BSN: variants seen among roughly 807,000 people sequenced by gnomAD.
BSN encodes the protein protein bassoon.
In BSN, 57 loss-of-function variants were observed where a neutral mutation model predicts 264.8. That is an observed-to-expected ratio of 0.22 (90% CI 0.17 to 0.27). BSN has a LOEUF of 0.27. BSN is among the 10% of genes least tolerant of loss of function. BSN has a pLI of 1.00. For synonymous variants in BSN, 2,059 were observed against 2,137.3 expected, an observed-to-expected ratio of 0.96 and a Z score of 1.01; for missense variants, 4,615 against 5,232.5, an observed-to-expected ratio of 0.88 and a Z score of 3.64.
chr3:49,658,099 G>C lies in BSN; in HGVS notation c.8543G>C (p.Arg2848Pro). ...CCTCGCCCCATGAAGACCCTGCAGC[G>C]GTCCCTGTCTGACCCTAAGCCCCTC... is the stretch of plus-strand genomic sequence containing the variant. Reference protein sequence around the residue: ...TLPRPMKTLQRSLSDPKPLSP... With the variant: ...TLPRPMKTLQPSLSDPKPLSP... The change falls in exon 5 of 12, where the codon CGG (arginine) becomes CCG (proline). Residue 2848 changes from arginine (R) to proline (P), a missense_variant. By Grantham distance (103) the Arg-to-Pro change is moderately radical. Around this residue, in one of 3 missense-constraint regions of BSN, gnomAD observed 3,415 missense variants for 3,866.4 expected, o/e 0.88. Transcript: ENST00000296452. 1 of 1,613,130 alleles carries C rather than the reference G, an allele frequency of 6.2e-7. No individual in the cohort carries two copies. Among genetic ancestry groups the C allele is most frequent in the Non-Finnish European group, 8.5e-7 (1 of 1,179,910 alleles).
rs781353438 is a variant in BSN at position 49,642,688 on chromosome 3, G to A, written c.1054G>A (p.Gly352Ser). The change falls in exon 3 of 12, where the codon GGC (glycine) becomes AGC (serine). Residue 352 changes from glycine (G) to serine (S), a missense_variant. By Grantham distance (56) the Gly-to-Ser change is moderately conservative. Transcript: ENST00000296452. The surrounding 1 kb of genome is among the most constrained non-coding windows in gnomAD (Gnocchi z 7.0). ...GGAGGGCCTCACTGGTAAGCTCTTC[G>A]GCCTTGGCGCGTCACTGCTAACCCA... ...TQEGLTGKLF[G>S]LGASLLTQAS... The A allele has an allele frequency of 6.8e-6, 11 of 1,612,374 alleles. No individual in the cohort carries two copies. Among genetic ancestry groups the A allele is most frequent in the South Asian group, 4.4e-5 (4 of 90,982 alleles).
chr3:49,667,388 T>C (rs956561611), intron 11 of BSN, among the ~76,000 whole-genome samples: 1 of 151,618 alleles, frequency 6.6e-6, no homozygotes, highest in Non-Finnish European at 1.5e-5. Context: ...TCTTTCTTGC[T>C]GTCCTCTCTG....
chr3:49,636,830 A>G (rs2052423862), intron 2 of BSN, among the ~76,000 whole-genome samples: 2 of 152,224 alleles, frequency 1.3e-5, no homozygotes, highest in African/African-American at 2.4e-5. Context: ...CAACATGTCT[A>G]TTGCTGTACC....
Position 49,625,529 on chromosome 3 carries a change from T to TGCAG in BSN, c.633+147_633+148insCAGG. The stretch of plus-strand genomic sequence containing the variant: ...TGTGTCCTCCTGCAGGGATGTGTCC[T>TGCAG]GGTTCCAGGATGTGGCAGCAAAGAA... On this transcript the variant is annotated intron_variant, in intron 2 of 11. Coordinates refer to ENST00000296452, the MANE Select transcript of BSN (RefSeq NM_003458.4). The surrounding 1 kb of genome is among the most constrained non-coding windows in gnomAD (Gnocchi z 4.4). 1.2e-6 allele frequency: 1 copy of TGCAG among 813,552 alleles called. No individual in the cohort carries two copies. The highest frequency in any genetic ancestry group is 1.7e-6 in the Non-Finnish European group (1 of 583,102). The allele number at this position is 813,552 out of a possible 1,614,324, so 50.4% of individuals were successfully genotyped here.
Position 49,592,233 on chromosome 3 carries a change from C to T in BSN, c.225-32742C>T, listed in dbSNP as rs577987091. Among the ~76,000 whole-genome samples the T allele has an allele frequency of 2.6e-4, 39 of 151,576 alleles. 1 individual carries two copies. Among genetic ancestry groups the T allele is most frequent in the African/African-American group, 7.2e-4 (30 of 41,416 alleles). ...CAAGCGATTCTCCTGCCTCAGCCTC[C>T]CGAGTACCTGGGATTACAGGCACGC... On this transcript the variant is annotated intron_variant, in intron 1 of 11. Transcript: ENST00000296452.
At chr3:49,556,661 C>CATA (rs2051674939) in intron 1 of BSN, among the ~76,000 whole-genome samples, 1 of 152,206 alleles carries the variant, frequency 6.6e-6, no homozygotes, top group South Asian at 2.1e-4. Context: ...TTCATTTTAT[C>CATA]ATAGCACCTC....
Position 49,651,244 on chromosome 3 carries a change from C to A in BSN, c.1986+165C>A. On this transcript the variant is annotated intron_variant, in intron 4 of 11. Transcript: ENST00000296452. The surrounding 1 kb of genome is among the most constrained non-coding windows in gnomAD (Gnocchi z 5.4). ...GGAAAGTCTAGATGAGGTTCTGGCA[C>A]GCTTGGAGACTGTGGGTTTTACACT... The A allele has an allele frequency of 1.4e-6, 1 of 718,410 alleles. No homozygotes were observed. Among genetic ancestry groups the A allele is most frequent in the Non-Finnish European group, 2.2e-6 (1 of 452,452 alleles). 44.5% of individuals were successfully genotyped at this position (718,410 alleles called of 1,614,324 possible). A position where few individuals can be genotyped will look rare whatever the true frequency, so the allele number is the denominator to read the frequency against.
chr3:49,558,571 G>A (rs137871626), intron 1 of BSN, among the ~76,000 whole-genome samples: 5 of 152,306 alleles, frequency 3.3e-5, no homozygotes, highest in African/African-American at 1.2e-4. Flanking sequence ...CATTATATCA[G>A]CCAACTCAGC....
At position 49,650,874 on chromosome 3, in the gene BSN, G is replaced by A; in HGVS notation, c.1781G>A (p.Arg594Lys). The A allele has an allele frequency of 6.2e-7, 1 of 1,614,204 alleles. No homozygotes were observed. The highest frequency in any genetic ancestry group is 8.5e-7 in the Non-Finnish European group (1 of 1,180,036). ...SKASPQAKPLRASEPSKTPSS... is the reference protein window; with the variant it reads ...SKASPQAKPLKASEPSKTPSS... ...GCCAGCCCCCAGGCCAAGCCCCTCAGGGCTTCTGAACCCAGCAAGACCCCA... is the reference window on the plus strand; with the variant it reads ...GCCAGCCCCCAGGCCAAGCCCCTCAAGGCTTCTGAACCCAGCAAGACCCCA... Residue 594 changes from arginine to lysine, a missense_variant, in exon 4 of 12, where the codon AGG becomes AAG. Around this residue, in one of 3 missense-constraint regions of BSN, gnomAD observed 1,197 missense variants for 1,348.0 expected, o/e 0.89. Coordinates refer to ENST00000296452, the MANE Select transcript of BSN (RefSeq NM_003458.4).
At chr3:49,598,892 A>G (rs2052048572) in intron 1 of BSN, among the ~76,000 whole-genome samples, 1 of 152,182 alleles carries the variant, frequency 6.6e-6, no homozygotes, top group South Asian at 2.1e-4. Context: ...ATAAAACTAC[A>G]TCTTTCTTTC....
rs771400096 is a variant in BSN at position 49,651,081 on chromosome 3, T to A, written c.1986+2T>A. On this transcript the variant is annotated splice_donor_variant, in intron 4 of 11. Transcript: ENST00000296452. LOFTEE classifies it high-confidence loss of function. This position sits in a 1 kb window ranked among gnomAD's most constrained non-coding sequence, Gnocchi z 5.4. The stretch of plus-strand genomic sequence containing the variant: ...GCCCCCAAGGGTGGGGAGGCGGAGG[T>A]CAGTCCCATTCACTTCCCAGAGACC... 5.0e-6 allele frequency: 8 copies of A among 1,597,574 alleles called. No homozygotes were observed. The highest frequency in any genetic ancestry group is 6.8e-6 in the Non-Finnish European group (8 of 1,175,844).
intron 1 of BSN, among the ~76,000 whole-genome samples, chr3:49,584,946 G>A (rs938650734): frequency 4.6e-5 from 7 of 152,116 alleles, no homozygotes; most frequent in Admixed American, 2.6e-4. Context: ...AGTTCTGGCC[G>A]TATTGTTGCA....
In BSN at chr3:49,660,756, G is replaced by A. The variant is rs2052647093; in HGVS notation, c.8911G>A (p.Glu2971Lys). Residue 2971 changes from glutamate to lysine, a missense_variant, in exon 6 of 12, where the codon GAG (glutamate) becomes AAG (lysine). Physicochemically the swap from Glu to Lys is moderately conservative, Grantham distance 56. Transcript: ENST00000296452. The surrounding 1 kb of genome is among the most constrained non-coding windows in gnomAD (Gnocchi z 7.1). The part of the protein sequence containing the change: ...KQAELDEEEK[E>K]IDAKLKYLEL... Reference sequence around the variant, plus strand: ...GGCAGAGCTGGATGAGGAGGAGAAGGAGATTGACGCCAAGCTCAAGTACCT... The same window carrying A: ...GGCAGAGCTGGATGAGGAGGAGAAGAAGATTGACGCCAAGCTCAAGTACCT... 1 of 1,613,220 alleles carries A rather than the reference G, an allele frequency of 6.2e-7. No homozygotes were observed. Among genetic ancestry groups the A allele is most frequent in the Non-Finnish European group, 8.5e-7 (1 of 1,179,982 alleles).
chr3:49,605,581 TATATATTTA>T (rs2052120624), intron 1 of BSN, among the ~76,000 whole-genome samples: 2 of 998 alleles, frequency 2.0e-3, no homozygotes, highest in Non-Finnish European at 3.6e-3. Flanking sequence ...TTATATATAT[TATATATTTA>T]TATATAATAT....
chr3:49,646,716 G>T (rs1030910891), intron 3 of BSN, among the ~76,000 whole-genome samples: 2 of 152,208 alleles, frequency 1.3e-5, no homozygotes, highest in Non-Finnish European at 2.9e-5. Context: ...CCCCTATCTG[G>T]GTGTGGATGG....
At chr3:49,605,872 TTA>T (rs1327516006) in intron 1 of BSN, among the ~76,000 whole-genome samples, 10 of 48,140 alleles carry the variant, frequency 2.1e-4, no homozygotes, top group South Asian at 1.4e-3. Context: ...TTATATCTAT[TTA>T]TATATAGATA....
rs138595442 is a variant in BSN at position 49,654,828 on chromosome 3, C to T, written c.5272C>T (p.Arg1758Cys). 36 of 1,613,548 alleles carry T rather than the reference C, an allele frequency of 2.2e-5. No homozygotes were observed. The highest frequency in any genetic ancestry group is 1.5e-4 in the African/African-American group (11 of 75,056). ...PVVYGDPYQS[R>C]LDFGQGGGSP... is the part of the protein sequence containing the mutation. Reference sequence around the variant, plus strand: ...GGTCTATGGAGACCCCTACCAGAGCCGCCTTGACTTTGGCCAGGGTGGGGG... The same window carrying T: ...GGTCTATGGAGACCCCTACCAGAGCTGCCTTGACTTTGGCCAGGGTGGGGG... The change falls in exon 5 of 12, where the codon CGC (arginine) becomes TGC (cysteine). Residue 1758 changes from arginine (R) to cysteine (C), a missense_variant. Arg to Cys is a radical substitution (Grantham distance 180, BLOSUM62 -3). Transcript: ENST00000296452. The surrounding 1 kb of genome is among the most constrained non-coding windows in gnomAD (Gnocchi z 4.1).
intron 1 of BSN, among the ~76,000 whole-genome samples, chr3:49,572,960 G>A (rs1012153608): frequency 3.3e-5 from 5 of 152,154 alleles, no homozygotes; most frequent in Admixed American, 3.3e-4. Flanking sequence ...TCCGAGACTG[G>A]GGGAGGCCAA....
chr3:49,631,020 C>T (rs542048822), intron 2 of BSN, among the ~76,000 whole-genome samples: 72 of 152,282 alleles, frequency 4.7e-4, no homozygotes, highest in African/African-American at 1.7e-3. Flanking sequence ...AGCCCTCTCC[C>T]TTCTTCCTGT....
Sources: gnomAD v4.1 joint callset for allele counts (sites outside exome capture counted in the v4.1 genomes callset) on GRCh38, gnomAD v4.1.1 for gene constraint, gnomAD v4.1.1 regional missense constraint, Gnocchi (gnomAD v3.1) non-coding constraint, MANE v1.5 for transcripts, NCBI Gene and HGNC (gene_info 2026-07-23, HGNC 2026-07-21) for gene names.